ELP4: variants seen among roughly 807,000 people sequenced by gnomAD.
ELP4 encodes elongator acetyltransferase complex subunit 4.
Under a neutral mutation model 48.9 loss-of-function variants are expected in ELP4, and 51 were observed. The ratio of observed to expected loss-of-function variants is 1.04; its 90% CI spans 0.83 to 1.32. The LOEUF is 1.32. Ranked by LOEUF, ELP4 falls within the 40% of genes most tolerant of loss-of-function variation. The pLI is 0.00. For missense variants in ELP4, 519 were observed against 514.6 expected, an observed-to-expected ratio of 1.01 and a Z score of -0.08; for synonymous variants, 210 against 189.2, an observed-to-expected ratio of 1.11 and a Z score of -0.90.
chr11:31,575,745 G>T (rs1325017611), intron 3 of ELP4, among the ~76,000 whole-genome samples: 1 of 152,196 alleles, frequency 6.6e-6, no homozygotes, highest in Non-Finnish European at 1.5e-5. Context: ...AATGCTGAGA[G>T]ATTTCGTTAC....
chr11:31,762,476 G>A (rs1419002354), intron 9 of ELP4, among the ~76,000 whole-genome samples: 6 of 151,950 alleles, frequency 3.9e-5, no homozygotes, highest in African/African-American at 1.4e-4. Flanking sequence ...ATAACCTTTA[G>A]ACTTCAAAAA....
chr11:31,615,780 A>G (rs1944467374), intron 5 of ELP4, among the ~76,000 whole-genome samples: 1 of 151,978 alleles, frequency 6.6e-6, no homozygotes, highest in Admixed American at 6.6e-5. Context: ...CTACTCACTG[A>G]GCAAGTGGTA....
chr11:31,519,829 CA>C (rs1045221587), intron 1 of ELP4, among the ~76,000 whole-genome samples: 1,829 of 75,902 alleles, frequency 0.024, 11 homozygotes, highest in Middle Eastern at 0.13. Flanking sequence ...GACTCCATCT[CA>C]AAAAAAAAAA....
chr11:31,681,758 T>TTG (rs1565109505), intron 9 of ELP4: 1 of 156,494 alleles, frequency 6.4e-6, no homozygotes, highest in African/African-American at 2.4e-5. Flanking sequence ...TTTTTTTTTT[T>TTG]AAATTGGAGC....
At chr11:31,690,292 G>A (rs1482112994) in intron 9 of ELP4, among the ~76,000 whole-genome samples, 1 of 152,028 alleles carries the variant, frequency 6.6e-6, no homozygotes, top group African/African-American at 2.4e-5. Context: ...TTTTCTAGAT[G>A]TGGCAAATTA....
intron 9 of ELP4, among the ~76,000 whole-genome samples, chr11:31,716,365 G>A (rs945596446): frequency 6.6e-6 from 1 of 152,100 alleles, no homozygotes; most frequent in Non-Finnish European, 1.5e-5. Context: ...GTGGTTAAGT[G>A]CACTGGCTCT....
chr11:31,643,323 C>T (rs1307681163), intron 7 of ELP4, among the ~76,000 whole-genome samples: 1 of 151,860 alleles, frequency 6.6e-6, no homozygotes, highest in African/African-American at 2.4e-5. Flanking sequence ...TAGAGTAACT[C>T]AGGAACTTGC....
intron 3 of ELP4, among the ~76,000 whole-genome samples, chr11:31,592,510 A>G (rs1359975756): frequency 6.7e-6 from 1 of 149,204 alleles, no homozygotes; most frequent in Non-Finnish European, 1.5e-5. Flanking sequence ...ATATATGTGT[A>G]TATAATATAT....
intron 3 of ELP4, among the ~76,000 whole-genome samples, chr11:31,591,053 A>G (rs1957560555): frequency 1.3e-5 from 2 of 152,150 alleles, no homozygotes; most frequent in South Asian, 4.1e-4. Context: ...GATAATGTCT[A>G]CTATCTAAAA....
intron 5 of ELP4, 94 bp downstream of exon 5, chr11:31,604,001 T>C: frequency 1.1e-6 from 1 of 870,170 alleles, no homozygotes; most frequent in South Asian, 2.6e-5. Context: ...CATCTAAGGG[T>C]AAATATCATA....
intron 3 of ELP4, among the ~76,000 whole-genome samples, chr11:31,543,181 A>C (rs1956620608): frequency 6.6e-6 from 1 of 152,178 alleles, no homozygotes; most frequent in Non-Finnish European, 1.5e-5. Flanking sequence ...ATGTGATTGG[A>C]CTCTGTGAAG....
chr11:31,631,133 T>C (rs1377118787), intron 6 of ELP4, among the ~76,000 whole-genome samples: 2 of 152,126 alleles, frequency 1.3e-5, no homozygotes, highest in African/African-American at 2.4e-5. Flanking sequence ...TTCCTTTCCA[T>C]GGTCAATAAA....
chr11:31,622,985 G>A (rs908617018), intron 5 of ELP4, among the ~76,000 whole-genome samples: 10 of 151,288 alleles, frequency 6.6e-5, no homozygotes, highest in African/African-American at 2.4e-4. Context: ...TCTTTGTATA[G>A]CTAATAGTTT....
chr11:31,766,309 G>T (rs913855652), intron 9 of ELP4, among the ~76,000 whole-genome samples: 1 of 151,944 alleles, frequency 6.6e-6, no homozygotes. Context: ...AACTAAAACC[G>T]GTCCTTATTG....
At chr11:31,587,766 C>T (rs1957502851) in intron 3 of ELP4, among the ~76,000 whole-genome samples, 1 of 151,882 alleles carries the variant, frequency 6.6e-6, no homozygotes, top group African/African-American at 2.4e-5. Context: ...CAATGATTGT[C>T]CGCAGGGGGT....
chr11:31,782,240 G>C (rs1057268705), intron 9 of ELP4, among the ~76,000 whole-genome samples: 1 of 152,212 alleles, frequency 6.6e-6, no homozygotes, highest in Non-Finnish European at 1.5e-5. Flanking sequence ...ATTCAAGAAA[G>C]AAACTAACTG....
intron 5 of ELP4, among the ~76,000 whole-genome samples, chr11:31,610,823 T>G (rs1225426672): frequency 1.3e-5 from 2 of 152,204 alleles, no homozygotes; most frequent in Non-Finnish European, 2.9e-5. Flanking sequence ...TTTATTATTT[T>G]CCACCTTATT....
intron 9 of ELP4, among the ~76,000 whole-genome samples, chr11:31,738,011 C>G (rs963685963): frequency 6.6e-6 from 1 of 151,976 alleles, no homozygotes; most frequent in Non-Finnish European, 1.5e-5. Flanking sequence ...CAACATTATC[C>G]ATAATAGCCA....
chr11:31,664,478 T>G (rs901319140), intron 9 of ELP4: 39 of 152,222 alleles, frequency 2.6e-4, no homozygotes, highest in African/African-American at 8.9e-4. Context: ...ATACCAAAGT[T>G]TGTGTTTGCT....
Sources: allele counts gnomAD v4.1 joint callset (sites outside exome capture counted in the v4.1 genomes callset), GRCh38; gene constraint gnomAD v4.1.1; transcripts MANE v1.5; gene names NCBI Gene and HGNC (gene_info 2026-07-23, HGNC 2026-07-21).